The following WASHC4 variants were observed in gnomAD, a reference collection of about 807,000 sequenced individuals.
The protein encoded by WASHC4 is WASH complex subunit 7.
Under a neutral mutation model 166.6 loss-of-function variants are expected in WASHC4, and 86 were observed. That is an observed-to-expected ratio of 0.52 (90% CI 0.43 to 0.62). The LOEUF is 0.62. Ranked by LOEUF, WASHC4 falls within the 20% of genes least tolerant of loss-of-function variation. The pLI, the probability that WASHC4 is intolerant of heterozygous loss-of-function variation, is 0.00. For synonymous variants in WASHC4, 446 were observed against 451.6 expected, an observed-to-expected ratio of 0.99 and a Z score of 0.16; for missense variants, 1,262 against 1,382.4, an observed-to-expected ratio of 0.91 and a Z score of 1.38.
At chr12:105,150,437 G>A (rs1345392535) in intron 25 of WASHC4, among the ~76,000 whole-genome samples, 1 of 152,158 alleles carries the variant, frequency 6.6e-6, no homozygotes, top group Non-Finnish European at 1.5e-5. Flanking sequence ...GGTACATATT[G>A]CCTAGCACTC....
intron 1 of WASHC4, among the ~76,000 whole-genome samples, chr12:105,110,467 A>G (rs1879570338): frequency 6.6e-6 from 1 of 152,190 alleles, no homozygotes; most frequent in Non-Finnish European, 1.5e-5. Flanking sequence ...GATTCCTTAA[A>G]GTTACCTATG....
At chr12:105,164,070 T>C in intron 30 of WASHC4, 41 bp from the exon 31 acceptor site, 3 of 1,548,086 alleles carry the variant, frequency 1.9e-6, no homozygotes, top group Non-Finnish European at 2.7e-6. Context: ...ACCACTTCTG[T>C]ACTCACTGTA....
rs1055471218 is a variant in WASHC4 at position 105,144,309 on chromosome 12, A to G, written c.2033A>G (p.Lys678Arg). Residue 678 changes from lysine (K) to arginine (R), a missense_variant, in exon 21 of 33, where the codon AAA becomes AGA. Physicochemically the swap from Lys to Arg is conservative, Grantham distance 26. Transcript: ENST00000332180. The stretch of plus-strand genomic sequence containing the variant: ...TAGCATTTGCTGGACAAATTATGCA[A>G]AGAAATAGAGAAAGATCTGCGACTT... ...LNEHLLDKLCKEIEKDLRLSV... is the reference protein window; with the variant it reads ...LNEHLLDKLCREIEKDLRLSV... The G allele has an allele frequency of 3.7e-6, 6 of 1,612,770 alleles. No individual in the cohort carries two copies. Among genetic ancestry groups the G allele is most frequent in the Non-Finnish European group, 3.4e-6 (4 of 1,179,284 alleles).
At chr12:105,115,593 C>T in intron 5 of WASHC4, 68 bp from the exon 6 acceptor site, 2 of 1,204,218 alleles carry the variant, frequency 1.7e-6, no homozygotes, top group South Asian at 2.5e-5. Context: ...AACTTTTCCC[C>T]CTTTTTTGGT....
chr12:105,139,621 C>G (rs1381595966), intron 15 of WASHC4, among the ~76,000 whole-genome samples: 1 of 151,054 alleles, frequency 6.6e-6, no homozygotes, highest in African/African-American at 2.4e-5. Context: ...GGTAAATATC[C>G]TTTCAATTAT....
rs1307071175 is a variant in WASHC4, at chr12:105,168,442, G to C, written c.*1511G>C. Reference sequence around the variant, plus strand: ...ATAATTTATATTTTCATTATTATAAGTGTTTATATTAATGATCTTGCATTT... The same window carrying C: ...ATAATTTATATTTTCATTATTATAACTGTTTATATTAATGATCTTGCATTT... On this transcript the variant is annotated 3_prime_UTR_variant, in exon 33 of 33. Transcript: ENST00000332180. 8.7e-6 allele frequency: 1 copy of C among 115,596 alleles called. No homozygotes were observed. The highest frequency in any genetic ancestry group is 3.9e-5 in the African/African-American group (1 of 25,452). The allele number at this position is 115,596 out of a possible 1,614,324, so 7.2% of individuals were successfully genotyped here.
chr12:105,156,035 G>A (rs1884140820), intron 26 of WASHC4, among the ~76,000 whole-genome samples: 1 of 152,090 alleles, frequency 6.6e-6, no homozygotes, highest in African/African-American at 2.4e-5. Flanking sequence ...TCTATGAAGG[G>A]GTGAATGAAA....
intron 7 of WASHC4, among the ~76,000 whole-genome samples, chr12:105,120,115 A>C (rs1880587866): frequency 6.6e-6 from 1 of 152,232 alleles, no homozygotes; most frequent in Non-Finnish European, 1.5e-5. Flanking sequence ...GACAAAGACC[A>C]GTTTGGATAG....
chr12:105,145,530 A>G (rs1883222203), intron 22 of WASHC4, among the ~76,000 whole-genome samples: 1 of 152,002 alleles, frequency 6.6e-6, no homozygotes, highest in South Asian at 2.1e-4. Context: ...CAGTTTGTAT[A>G]TCCTTTCATT....
intron 25 of WASHC4, among the ~76,000 whole-genome samples, chr12:105,151,280 A>C (rs949930904): frequency 6.6e-6 from 1 of 152,026 alleles, no homozygotes; most frequent in Non-Finnish European, 1.5e-5. Flanking sequence ...ATGTGGATTG[A>C]GAACCAACAG....
At chr12:105,163,683 G>GA (rs1555241963) in intron 30 of WASHC4, among the ~76,000 whole-genome samples, 2 of 151,410 alleles carry the variant, frequency 1.3e-5, no homozygotes, top group African/African-American at 2.4e-5. Flanking sequence ...AAAAATTTTT[G>GA]TTTTTTTTAG....
At position 105,137,931 on chromosome 12, in the gene WASHC4, A is replaced by G; in HGVS notation, c.1372A>G (p.Met458Val). The G allele has an allele frequency of 5.0e-6, 8 of 1,612,126 alleles. No individual in the cohort carries two copies. Among genetic ancestry groups the G allele is most frequent in the East Asian group, 2.2e-5 (1 of 44,764 alleles). The stretch of plus-strand genomic sequence containing the variant: ...TATTAGTACCATTATTAAAACCACA[A>G]TGAATCTCTACATGTCCATGCAAAA... ...YSISTIIKTT[M>V]NLYMSMQKPM... The change falls in exon 15 of 33, where the codon ATG becomes GTG. Residue 458 changes from methionine to valine, a missense_variant. Transcript: ENST00000332180.
chr12:105,129,161 G>C (rs1011124195), intron 13 of WASHC4, among the ~76,000 whole-genome samples: 1 of 152,246 alleles, frequency 6.6e-6, no homozygotes, highest in Middle Eastern at 3.4e-3. Context: ...AGTCAGGCTG[G>C]TCTCGAACTC....
intron 14 of WASHC4, among the ~76,000 whole-genome samples, chr12:105,135,753 A>G (rs1164200482): frequency 6.6e-6 from 1 of 151,854 alleles, no homozygotes; most frequent in East Asian, 1.9e-4. Flanking sequence ...GCTTTTTTAT[A>G]GTTTACAGTT....
chr12:105,118,788 A>G (rs941758102), intron 7 of WASHC4, among the ~76,000 whole-genome samples: 5 of 152,286 alleles, frequency 3.3e-5, no homozygotes, highest in Middle Eastern at 3.4e-3. Context: ...GAAGGCTAAC[A>G]TGGAATTAGT....
intron 28 of WASHC4, among the ~76,000 whole-genome samples, chr12:105,158,159 C>A (rs958245693): frequency 1.3e-5 from 2 of 152,100 alleles, no homozygotes; most frequent in African/African-American, 4.8e-5. Context: ...TGGAAGAATG[C>A]TTGTTAAATT....
intron 13 of WASHC4, among the ~76,000 whole-genome samples, chr12:105,127,519 C>T (rs1250454251): frequency 1.3e-5 from 2 of 152,048 alleles, no homozygotes; most frequent in African/African-American, 2.4e-5. Flanking sequence ...GATACAAATG[C>T]GTACATACAT....
Position 105,126,217 on chromosome 12 carries a change from A to G in WASHC4, c.911-18A>G, listed in dbSNP as rs369135061. 141 of 1,612,406 alleles carry G rather than the reference A, an allele frequency of 8.7e-5. No individual in the cohort carries two copies. The African/African-American group carries it at 1.7e-3, about 20-fold the overall frequency. On this transcript the variant is annotated intron_variant, in intron 11 of 32. Coordinates refer to ENST00000332180, the MANE Select transcript of WASHC4 (RefSeq NM_015275.3). ...AAGTATATTTGTTCTGCTTTCTCTT[A>G]TGTTATTGATTTGTAAGGAGAACCT...
rs1290340638 is a variant in WASHC4 at position 105,168,104 on chromosome 12, A to G, written c.*1173A>G. 6.6e-6 allele frequency: 1 copy of G among 152,070 alleles called. No homozygotes were observed. Among genetic ancestry groups the G allele is most frequent in the Non-Finnish European group, 1.5e-5 (1 of 67,924 alleles). 9.4% of individuals were successfully genotyped at this position (152,070 alleles called of 1,614,324 possible). On this transcript the variant is annotated 3_prime_UTR_variant, in exon 33 of 33. Coordinates refer to ENST00000332180, the MANE Select transcript of WASHC4 (RefSeq NM_015275.3). Reference sequence around the variant, plus strand: ...TTTGGGAAATGCTTGATTTTTTTCTATTGCATTTGTCTGCTAAACATTTCT... The same window carrying G: ...TTTGGGAAATGCTTGATTTTTTTCTGTTGCATTTGTCTGCTAAACATTTCT...
Sources: allele counts gnomAD v4.1 joint callset (sites outside exome capture counted in the v4.1 genomes callset), GRCh38; gene constraint gnomAD v4.1.1; transcripts MANE v1.5; gene names NCBI Gene and HGNC (gene_info 2026-07-23, HGNC 2026-07-21).